Variants in CLNK observed in about 807,000 individuals in gnomAD.
The protein encoded by CLNK is cytokine dependent hematopoietic cell linker.
In CLNK, 74 loss-of-function variants were observed where a neutral mutation model predicts 68.6. That is an observed-to-expected ratio of 1.08 (90% CI 0.89 to 1.31). CLNK has a LOEUF of 1.31. CLNK is among the 50% of genes most tolerant of loss of function. The probability of loss-of-function intolerance (pLI) is 0.00; values close to 1 mark genes in which losing one functional copy is unlikely to be tolerated. For synonymous variants in CLNK, 198 were observed against 172.2 expected (o/e 1.15, Z -1.17); for missense variants, 553 against 515.3 (o/e 1.07, Z -0.71).
intron 17 of CLNK, among the ~76,000 whole-genome samples, chr4:10,503,182 C>T (rs905658400): frequency 1.3e-5 from 2 of 151,992 alleles, no homozygotes; most frequent in African/African-American, 2.4e-5. Flanking sequence ...AGAATAGAGG[C>T]CGGGTGTGGT....
intron 7 of CLNK, among the ~76,000 whole-genome samples, chr4:10,560,522 CA>C (rs1418294737): frequency 6.6e-6 from 1 of 152,200 alleles, no homozygotes; most frequent in East Asian, 1.9e-4. Flanking sequence ...CAGCTCACCG[CA>C]ACCTTGACCT....
At chr4:10,607,132 C>T (rs1721821100) in intron 2 of CLNK, among the ~76,000 whole-genome samples, 1 of 152,170 alleles carries the variant, frequency 6.6e-6, no homozygotes. Context: ...CCATTCTAGG[C>T]AACACTGGGT....
chr4:10,529,956 C>A (rs979323516), intron 12 of CLNK, among the ~76,000 whole-genome samples: 1 of 152,084 alleles, frequency 6.6e-6, no homozygotes, highest in Non-Finnish European at 1.5e-5. Flanking sequence ...ATAGTAGTAT[C>A]TCTTTTATTA....
the CLNK span, among the ~76,000 whole-genome samples, chr4:10,707,997 G>A: frequency 1.3e-5 from 2 of 152,188 alleles, no homozygotes; most frequent in Non-Finnish European, 2.9e-5. Flanking sequence ...CTTGCACTGA[G>A]CGCTGAAAGC....
chr4:10,635,133 T>C (rs1723032059), intron 2 of CLNK, among the ~76,000 whole-genome samples: 1 of 152,244 alleles, frequency 6.6e-6, no homozygotes, highest in Admixed American at 6.5e-5. Context: ...AAGCATTCAG[T>C]ATTTTGACAA....
chr4:10,598,053 G>T lies in CLNK; in HGVS notation c.12-4C>A. On this transcript the variant is annotated splice_polypyrimidine_tract_variant and splice_region_variant and intron_variant, in intron 2 of 18. Coordinates refer to ENST00000226951, the MANE Select transcript of CLNK (RefSeq NM_052964.4). ...TTTAGTTGTCTTTCTATTGCCCCTG[G>T]GATGAAAGAAAATAAATTATAGCTG... The T allele has an allele frequency of 6.4e-7, 1 of 1,564,912 alleles. No individual in the cohort carries two copies.
the CLNK span, among the ~76,000 whole-genome samples, chr4:10,719,287 A>G: frequency 6.6e-6 from 1 of 152,178 alleles, no homozygotes; most frequent in African/African-American, 2.4e-5. Context: ...GGCCAACTAT[A>G]TGCTTACTAA....
chr4:10,531,759 C>T (rs1399926861), intron 12 of CLNK: 2 of 456,740 alleles, frequency 4.4e-6, no homozygotes, highest in Admixed American at 2.3e-5. Context: ...TATTTTATGG[C>T]TGAGGAAACA....
At chr4:10,627,426 A>G (rs1304187418) in intron 2 of CLNK, among the ~76,000 whole-genome samples, 1 of 152,216 alleles carries the variant, frequency 6.6e-6, no homozygotes, top group Non-Finnish European at 1.5e-5. Context: ...GCCATTAGCC[A>G]CATAAGCTTC....
intron 2 of CLNK, among the ~76,000 whole-genome samples, chr4:10,647,758 TA>T (rs1281883544): frequency 2.0e-5 from 3 of 151,860 alleles, no homozygotes; most frequent in Admixed American, 6.6e-5. Context: ...AAACAAACTG[TA>T]AAAAAAATGT....
chr4:10,537,910 T>C (rs968009354), intron 11 of CLNK, among the ~76,000 whole-genome samples: 2 of 151,474 alleles, frequency 1.3e-5, no homozygotes, highest in South Asian at 4.2e-4. Flanking sequence ...AGATGGTTAT[T>C]TTCTTCTTAT....
chr4:10,548,757 T>C (rs1376153180), intron 8 of CLNK, among the ~76,000 whole-genome samples: 2 of 152,204 alleles, frequency 1.3e-5, no homozygotes, highest in East Asian at 3.9e-4. Context: ...TAATATCTAG[T>C]CTCTCCACTA....
the CLNK span, among the ~76,000 whole-genome samples, chr4:10,731,804 A>T: frequency 6.6e-6 from 1 of 152,194 alleles, no homozygotes; most frequent in Non-Finnish European, 1.5e-5. Flanking sequence ...ACAAAAAGAG[A>T]AGGCTTTGCA....
chr4:10,614,093 G>A (rs533881738), intron 2 of CLNK, among the ~76,000 whole-genome samples: 129 of 152,312 alleles, frequency 8.5e-4, no homozygotes, highest in Non-Finnish European at 1.2e-3. Flanking sequence ...TGTAATATAG[G>A]AATTTAGATT....
At chr4:10,498,119 C>T (rs965257827) in intron 18 of CLNK, among the ~76,000 whole-genome samples, 5 of 151,956 alleles carry the variant, frequency 3.3e-5, no homozygotes, top group African/African-American at 7.3e-5. Context: ...CGCTTGAACC[C>T]GGGAGGCAGA....
chr4:10,634,896 A>G (rs148563953), intron 2 of CLNK, among the ~76,000 whole-genome samples: 31 of 152,264 alleles, frequency 2.0e-4, no homozygotes, highest in Non-Finnish European at 4.3e-4. Context: ...GAAACTGAGG[A>G]CCAGAGAGAG....
rs1181926122 is a variant in CLNK, at chr4:10,542,056, A to G, written c.472-15T>C. The G allele has an allele frequency of 3.8e-6, 6 of 1,588,036 alleles. No homozygotes were observed. Among genetic ancestry groups the G allele is most frequent in the Admixed American group, 1.8e-5 (1 of 55,578 alleles). On this transcript the variant is annotated splice_polypyrimidine_tract_variant and intron_variant, in intron 9 of 18. Transcript: ENST00000226951. ...GGTAAAGGAATCTGAAAAAGAAAAG[A>G]GAAACCTAAATTAAGTTTATTGTTC...
intron 3 of CLNK, among the ~76,000 whole-genome samples, chr4:10,596,441 C>G (rs577323563): frequency 1.8e-4 from 27 of 152,292 alleles, no homozygotes; most frequent in African/African-American, 4.8e-4. Flanking sequence ...TGGACTCATT[C>G]TACACTGCAA....
chr4:10,733,679 G>T, the CLNK span, among the ~76,000 whole-genome samples: 1 of 152,200 alleles, frequency 6.6e-6, no homozygotes, highest in African/African-American at 2.4e-5. Context: ...TCTGCCATAT[G>T]CCAGGCACCA....
Sources: gnomAD v4.1 joint callset for allele counts (sites outside exome capture counted in the v4.1 genomes callset) on GRCh38, gnomAD v4.1.1 for gene constraint, MANE v1.5 for transcripts, NCBI Gene and HGNC (gene_info 2026-07-23, HGNC 2026-07-21) for gene names.